Variants in PDZRN3 observed in about 807,000 individuals in gnomAD.
PDZRN3 encodes the protein PDZ domain containing ring finger 3, also known as E3 ubiquitin-protein ligase PDZRN3.
In PDZRN3, 38 loss-of-function variants were observed where a neutral mutation model predicts 85.7. That is an observed-to-expected ratio of 0.44 (90% confidence interval 0.34 to 0.58). The LOEUF (loss-of-function observed/expected upper bound fraction) is 0.58. Among genes scored for constraint, PDZRN3 ranks in the 20% least tolerant of loss-of-function variants. The pLI is 0.01. For missense variants in PDZRN3, 1,629 were observed against 1,506.4 expected (o/e 1.08, Z -1.35); for synonymous variants, 759 against 638.0 (o/e 1.19, Z -2.86).
chr3:73,578,738 T>C (rs755779787), intron 3 of PDZRN3, among the ~76,000 whole-genome samples: 1 of 152,078 alleles, frequency 6.6e-6, no homozygotes, highest in African/African-American at 2.4e-5. Context: ...TAATCCAAGT[T>C]TGCTTTAGGG....
intron 3 of PDZRN3, among the ~76,000 whole-genome samples, chr3:73,485,703 T>C (rs1703649397): frequency 6.6e-6 from 1 of 152,192 alleles, no homozygotes; most frequent in Admixed American, 6.5e-5. Context: ...AAAATCATTT[T>C]TCTAATCCAA....
chr3:73,408,837 G>A (rs1416136483), intron 3 of PDZRN3, among the ~76,000 whole-genome samples: 4 of 152,020 alleles, frequency 2.6e-5, no homozygotes, highest in Non-Finnish European at 5.9e-5. Context: ...TCCGGTGCAC[G>A]CCGTCAGCCA....
At chr3:73,391,380 C>T (rs1701524486) in intron 5 of PDZRN3, among the ~76,000 whole-genome samples, 1 of 152,202 alleles carries the variant, frequency 6.6e-6, no homozygotes, top group East Asian at 1.9e-4. Flanking sequence ...CCATATTTCA[C>T]TCAGCGTCAA....
intron 3 of PDZRN3, among the ~76,000 whole-genome samples, chr3:73,596,900 T>A (rs1001920372): frequency 1.3e-5 from 2 of 152,198 alleles, no homozygotes; most frequent in South Asian, 2.1e-4. Flanking sequence ...TAGTTTAGAT[T>A]ACCATACTGT....
chr3:73,422,882 G>A (rs527293674), intron 3 of PDZRN3, among the ~76,000 whole-genome samples: 1 of 152,220 alleles, frequency 6.6e-6, no homozygotes, highest in South Asian at 2.1e-4. Flanking sequence ...ATAAATCTTG[G>A]ATTTAGAAAG....
chr3:73,586,907 A>G (rs1184736217), intron 3 of PDZRN3, among the ~76,000 whole-genome samples: 2 of 152,096 alleles, frequency 1.3e-5, no homozygotes, highest in East Asian at 3.9e-4. Flanking sequence ...GATGGAGTGC[A>G]GGGCCCATGA....
chr3:73,383,613 C>T lies in PDZRN3; in HGVS notation c.2953G>A (p.Ala985Thr), dbSNP rs1486865363. The T allele has an allele frequency of 6.2e-7, 1 of 1,613,974 alleles. No homozygotes were observed. Among genetic ancestry groups the T allele is most frequent in the Non-Finnish European group, 8.5e-7 (1 of 1,180,042 alleles). Residue 985 changes from alanine to threonine, a missense_variant, in exon 10 of 10, where the codon GCC becomes ACC. Ala to Thr is a moderately conservative substitution (Grantham distance 58). Transcript: ENST00000263666. Reference sequence around the variant, plus strand: ...TCGCGCCGCCGCCGCTGCTCCTTGGCCTTCACCAGGTGCTGCTTCCTCTCC... The same window carrying T: ...TCGCGCCGCCGCCGCTGCTCCTTGGTCTTCACCAGGTGCTGCTTCCTCTCC... ...KEERKQHLVK[A>T]KEQRRRREFM...
chr3:73,592,603 C>A (rs964037153), intron 3 of PDZRN3, among the ~76,000 whole-genome samples: 1 of 152,178 alleles, frequency 6.6e-6, no homozygotes, highest in South Asian at 2.1e-4. Context: ...TAGATTTAAA[C>A]AGGGTAAGAG....
At chr3:73,608,507 G>C (rs1387626853) in intron 2 of PDZRN3, 91 bp downstream of exon 2, 2 of 830,516 alleles carry the variant, frequency 2.4e-6, no homozygotes, top group Non-Finnish European at 4.1e-6. Context: ...AGTGAGCAAA[G>C]TTTCCTGCTC....
intron 3 of PDZRN3, among the ~76,000 whole-genome samples, chr3:73,543,700 G>C (rs1178620896): frequency 6.6e-6 from 1 of 152,182 alleles, no homozygotes; most frequent in Non-Finnish European, 1.5e-5. Context: ...ACTTAGAAAT[G>C]AACTGCGCTG....
chr3:73,506,834 T>C (rs185047341), intron 3 of PDZRN3, among the ~76,000 whole-genome samples: 70 of 151,652 alleles, frequency 4.6e-4, no homozygotes, highest in African/African-American at 1.6e-3. Context: ...TGAGCCCAGG[T>C]TGAGGATGCA....
intron 3 of PDZRN3, among the ~76,000 whole-genome samples, chr3:73,554,203 C>T (rs1051094888): frequency 1.3e-5 from 2 of 152,136 alleles, no homozygotes; most frequent in African/African-American, 2.4e-5. Context: ...TATATATACC[C>T]ATGAGGTTCC....
intron 3 of PDZRN3, among the ~76,000 whole-genome samples, chr3:73,526,195 T>C (rs560602157): frequency 6.6e-6 from 1 of 152,200 alleles, no homozygotes; most frequent in Non-Finnish European, 1.5e-5. Flanking sequence ...CTTAATACGC[T>C]CTCTGGTACA....
chr3:73,469,070 G>T (rs929172825), intron 3 of PDZRN3, among the ~76,000 whole-genome samples: 2 of 151,354 alleles, frequency 1.3e-5, no homozygotes, highest in Non-Finnish European at 3.0e-5. Context: ...AAGAAAAAAA[G>T]ATTCATCTTT....
intron 3 of PDZRN3, among the ~76,000 whole-genome samples, chr3:73,498,916 G>C (rs1386550980): frequency 6.6e-6 from 1 of 152,048 alleles, no homozygotes; most frequent in Non-Finnish European, 1.5e-5. Context: ...ACACAGCATA[G>C]ACCCAGATGC....
intron 3 of PDZRN3, among the ~76,000 whole-genome samples, chr3:73,455,723 T>C (rs1702963880): frequency 6.6e-6 from 1 of 152,246 alleles, no homozygotes; most frequent in South Asian, 2.1e-4. Context: ...ATCGTTTTTC[T>C]CTAGCATGGA....
chr3:73,508,693 T>A (rs1254393746), intron 3 of PDZRN3, among the ~76,000 whole-genome samples: 1 of 152,204 alleles, frequency 6.6e-6, no homozygotes, highest in African/African-American at 2.4e-5. Flanking sequence ...ACTATAAATG[T>A]AAACAGGGTC....
chr3:73,532,380 C>T (rs901404418), intron 3 of PDZRN3, among the ~76,000 whole-genome samples: 5 of 152,300 alleles, frequency 3.3e-5, no homozygotes, highest in East Asian at 1.9e-4. Flanking sequence ...CTACCAACTG[C>T]GGAGATACTC....
chr3:73,413,208 G>A (rs977039136), intron 3 of PDZRN3, among the ~76,000 whole-genome samples: 8 of 152,110 alleles, frequency 5.3e-5, no homozygotes, highest in African/African-American at 9.7e-5. Context: ...TTAGAAGAGC[G>A]CCTGGCTCAT....
Sources: gnomAD v4.1 joint callset for allele counts (sites outside exome capture counted in the v4.1 genomes callset) on GRCh38, gnomAD v4.1.1 for gene constraint, MANE v1.5 for transcripts, NCBI Gene and HGNC (gene_info 2026-07-23, HGNC 2026-07-21) for gene names.